WDR70: variants seen among roughly 807,000 people sequenced by gnomAD.
WDR70 encodes the protein WD repeat domain 70.
WDR70 carries 53 observed loss-of-function variants against 88.6 expected under a neutral mutation model. The observed-to-expected ratio is 0.60, with a 90% CI of 0.48 to 0.75. WDR70 has a LOEUF of 0.75. WDR70 is among the 30% of genes least tolerant of loss of function. The pLI is 0.00. For synonymous variants in WDR70, 280 were observed against 270.0 expected (o/e 1.04, Z -0.36); for missense variants, 610 against 823.2 (o/e 0.74, Z 3.17).
At chr5:37,437,648 T>C (rs1750508323) in intron 5 of WDR70, among the ~76,000 whole-genome samples, 1 of 152,162 alleles carries the variant, frequency 6.6e-6, no homozygotes, top group African/African-American at 2.4e-5. Flanking sequence ...TTTCAATTTA[T>C]GTTGACAATA....
chr5:37,402,653 C>G (rs564672062), intron 5 of WDR70, among the ~76,000 whole-genome samples: 2 of 152,066 alleles, frequency 1.3e-5, no homozygotes, highest in African/African-American at 4.8e-5. Context: ...TAGGAACATT[C>G]AAATTATTCT....
intron 10 of WDR70, among the ~76,000 whole-genome samples, chr5:37,679,051 C>T (rs548038335): frequency 0.036 from 4,062 of 113,948 alleles, 36 homozygotes; most frequent in Middle Eastern, 0.1. Context: ...GCATTCTTCA[C>T]GTAGTTCTCG....
intron 9 of WDR70, among the ~76,000 whole-genome samples, chr5:37,543,428 C>T (rs10041658): frequency 0.079 from 11,951 of 151,750 alleles, 502 homozygotes; most frequent in South Asian, 0.13. Context: ...TGAAATATTA[C>T]GAAATATGCA....
intron 17 of WDR70, among the ~76,000 whole-genome samples, chr5:37,740,573 A>G (rs77956530): frequency 1.6e-3 from 244 of 152,294 alleles, no homozygotes; most frequent in Non-Finnish European, 2.8e-3. Context: ...TGAGGGCAGG[A>G]TGGATTGGAA....
chr5:37,555,283 AT>A (rs1742264159), intron 9 of WDR70, among the ~76,000 whole-genome samples: 1 of 152,174 alleles, frequency 6.6e-6, no homozygotes, highest in African/African-American at 2.4e-5. Context: ...ATTATTTATG[AT>A]TTATAAGCAT....
At position 37,565,096 on chromosome 5, in the gene WDR70, G is replaced by A. The variant is rs1300434272; in HGVS notation, c.918-39968G>A. Among the ~76,000 whole-genome samples the A allele has an allele frequency of 3.3e-5, 5 of 152,210 alleles. 1 individual carries two copies. In the East Asian group the frequency reaches 9.7e-4, roughly 29 times the overall value. On this transcript the variant is annotated intron_variant, in intron 9 of 17. Transcript: ENST00000265107. The stretch of plus-strand genomic sequence containing the variant: ...GACATTTTATATAACAACAAAAGAT[G>A]AAGATCTTACAGATCTTGTTCTTTC...
rs1442685527 is a variant in WDR70 at position 37,467,168 on chromosome 5, A to T, written c.687-12666A>T. ...CTTGAACCTGGGAGGCGGAGGTTGC[A>T]GTGAGCCATGATCGCACCACTGTAC... On this transcript the variant is annotated intron_variant, in intron 7 of 17. Coordinates refer to ENST00000265107, the MANE Select transcript of WDR70 (RefSeq NM_018034.4). Among the ~76,000 whole-genome samples the T allele has an allele frequency of 1.4e-4, 21 of 149,826 alleles. No individual in the cohort carries two copies. The East Asian group carries it at 4.0e-3, about 28-fold the overall frequency.
intron 10 of WDR70, among the ~76,000 whole-genome samples, chr5:37,612,126 A>G (rs1222194429): frequency 6.6e-6 from 1 of 152,084 alleles, no homozygotes; most frequent in Non-Finnish European, 1.5e-5. Context: ...GACAAAAAGA[A>G]CTCTATTTTA....
At chr5:37,701,189 A>C (rs559505723) in intron 12 of WDR70, 47 bp downstream of exon 12, 2 of 1,237,808 alleles carry the variant, frequency 1.6e-6, no homozygotes, top group Admixed American at 3.6e-5. Context: ...AGAATGGAAA[A>C]GAAGTACTTT....
At chr5:37,465,906 T>C (rs1739137858) in intron 7 of WDR70, among the ~76,000 whole-genome samples, 1 of 152,080 alleles carries the variant, frequency 6.6e-6, no homozygotes, top group East Asian at 1.9e-4. Context: ...CAGAATTCCT[T>C]ATGGATTTTT....
chr5:37,412,242 C>A (rs962262314), intron 5 of WDR70, among the ~76,000 whole-genome samples: 1 of 152,078 alleles, frequency 6.6e-6, no homozygotes, highest in Non-Finnish European at 1.5e-5. Flanking sequence ...CAAAAATTAT[C>A]TGGGCGTGGT....
intron 9 of WDR70, among the ~76,000 whole-genome samples, chr5:37,525,078 C>A (rs1258654602): frequency 1.3e-5 from 2 of 151,954 alleles, no homozygotes. Context: ...AACGAGACAG[C>A]AAGTTAAAAA....
rs1747236648 is a variant in WDR70, at chr5:37,703,728, A to T, written c.1416+641A>T. 2.0e-5 allele frequency among the ~76,000 whole-genome samples: 3 copies of T among 152,236 alleles called. No homozygotes were observed. The South Asian group carries it at 6.2e-4, about 32-fold the overall frequency. On this transcript the variant is annotated intron_variant, in intron 13 of 17. Coordinates refer to ENST00000265107, the MANE Select transcript of WDR70 (RefSeq NM_018034.4). ...TGAGACTGGAGCCACATGTAATACA[A>T]TAAGAATGAAAATTCCCAGAGGAAA...
At chr5:37,652,129 AG>A (rs1745425405) in intron 10 of WDR70, among the ~76,000 whole-genome samples, 1 of 152,206 alleles carries the variant, frequency 6.6e-6, no homozygotes, top group African/African-American at 2.4e-5. Context: ...GGTGTAAAGA[AG>A]GAGTCCAGTT....
At chr5:37,469,977 T>C (rs1739275756) in intron 7 of WDR70, among the ~76,000 whole-genome samples, 1 of 152,210 alleles carries the variant, frequency 6.6e-6, no homozygotes, top group Non-Finnish European at 1.5e-5. Context: ...CTTTACATTT[T>C]TTGTTAAATT....
At chr5:37,519,094 A>C (rs922977491) in intron 9 of WDR70, among the ~76,000 whole-genome samples, 7 of 152,184 alleles carry the variant, frequency 4.6e-5, no homozygotes, top group Admixed American at 1.3e-4. Flanking sequence ...TTCTTTCTAC[A>C]TAGACACAGT....
rs547243109 is a variant in WDR70 at position 37,387,357 on chromosome 5, T to G, written c.176-4643T>G. Among the ~76,000 whole-genome samples the G allele has an allele frequency of 9.2e-5, 14 of 152,312 alleles. No homozygotes were observed. The South Asian group carries it at 2.5e-3, about 27-fold the overall frequency. ...TTATTTTAAATTCTTGTAATTTTTC[T>G]TAGTAAAGCATGTATGCATTTTACC... On this transcript the variant is annotated intron_variant, in intron 3 of 17. Coordinates refer to ENST00000265107, the MANE Select transcript of WDR70 (RefSeq NM_018034.4).
At chr5:37,440,081 TC>T (rs2112044898) in intron 6 of WDR70, among the ~76,000 whole-genome samples, 1 of 152,334 alleles carries the variant, frequency 6.6e-6, no homozygotes, top group East Asian at 1.9e-4. Context: ...TTTGTTCAAA[TC>T]AGTCTCTTAA....
intron 9 of WDR70, among the ~76,000 whole-genome samples, chr5:37,570,984 T>A (rs370894152): frequency 2.0e-5 from 3 of 152,076 alleles, no homozygotes; most frequent in African/African-American, 7.3e-5. Context: ...TGACAAGATA[T>A]TGAATTCCTG....
Sources: allele counts gnomAD v4.1 joint callset (sites outside exome capture counted in the v4.1 genomes callset), GRCh38; gene constraint gnomAD v4.1.1; transcripts MANE v1.5; gene names NCBI Gene and HGNC (gene_info 2026-07-23, HGNC 2026-07-21).